ZNF385D: variants seen among roughly 807,000 people sequenced by gnomAD.
ZNF385D encodes zinc finger protein 385D.
In ZNF385D, 15 loss-of-function variants were observed where a neutral mutation model predicts 35.8. The ratio of observed to expected loss-of-function variants is 0.42; its 90% CI spans 0.28 to 0.64. The LOEUF (loss-of-function observed/expected upper bound fraction) is 0.64, where lower values mean the gene tolerates loss of function less well. ZNF385D is among the 30% of genes least tolerant of loss of function. The pLI is 0.23. For synonymous variants in ZNF385D, 212 were observed against 186.8 expected, an observed-to-expected ratio of 1.13 and a Z score of -1.10; for missense variants, 474 against 494.6, an observed-to-expected ratio of 0.96 and a Z score of 0.39.
At chr3:22,283,954 C>A (rs541751629) in intron 2 of ZNF385D, among the ~76,000 whole-genome samples, 1 of 152,050 alleles carries the variant, frequency 6.6e-6, no homozygotes. Flanking sequence ...GTTAAGTTCC[C>A]ATAATGGGAT....
At chr3:21,888,733 C>A (rs558284440) in intron 3 of ZNF385D, among the ~76,000 whole-genome samples, 1 of 152,224 alleles carries the variant, frequency 6.6e-6, no homozygotes, top group South Asian at 2.1e-4. Flanking sequence ...AAACTGGACC[C>A]ATTTTTCTCA....
intron 3 of ZNF385D, among the ~76,000 whole-genome samples, chr3:21,968,129 T>A (rs748313779): frequency 6.6e-6 from 1 of 152,126 alleles, no homozygotes; most frequent in Non-Finnish European, 1.5e-5. Context: ...ATTGTGGGAC[T>A]TCACATTGGA....
At chr3:21,526,431 T>G (rs530251969) in intron 3 of ZNF385D, among the ~76,000 whole-genome samples, 48 of 152,304 alleles carry the variant, frequency 3.2e-4, no homozygotes, top group African/African-American at 1.0e-3. Flanking sequence ...TTTGTTCATT[T>G]CAATATTGAT....
rs1490262200 is a variant in ZNF385D, at chr3:22,123,958, CTCTCTA to C, written c.325+44853_325+44858del. Among the ~76,000 whole-genome samples, 773 of 79,574 alleles carry C rather than the reference CTCTCTA, an allele frequency of 9.7e-3. 2 individuals are homozygous for C. The highest frequency in any genetic ancestry group is 0.023 in the South Asian group (52 of 2,288). 52.2% of individuals were successfully genotyped at this position (79,574 alleles called of 152,430 possible). On this transcript the variant is annotated intron_variant, in intron 3 of 5. Transcript: ENST00000494108. ...TCTCTCTCTCTCTCTCTCTCTCTCTCTCTCTATATATATATATATATATATATATAT... is the reference window on the plus strand; with the variant it reads ...TCTCTCTCTCTCTCTCTCTCTCTCTCTATATATATATATATATATATATAT...
chr3:22,127,354 T>G (rs1485131152), intron 3 of ZNF385D, among the ~76,000 whole-genome samples: 1 of 72,394 alleles, frequency 1.4e-5, no homozygotes, highest in Non-Finnish European at 2.7e-5. Context: ...TTTTTTTTTT[T>G]TTTGAGACAG....
intron 3 of ZNF385D, among the ~76,000 whole-genome samples, chr3:21,866,593 G>A (rs1697379192): frequency 6.6e-6 from 1 of 152,186 alleles, no homozygotes; most frequent in African/African-American, 2.4e-5. Flanking sequence ...TGATTCAGTA[G>A]GTATGGGGTG....
intron 3 of ZNF385D, among the ~76,000 whole-genome samples, chr3:21,815,993 G>T (rs75998259): frequency 0.075 from 11,409 of 152,162 alleles, 585 homozygotes; most frequent in South Asian, 0.11. Context: ...ATGATCAAGT[G>T]GGCTTCATCC....
At chr3:22,277,195 G>A (rs148610967) in intron 2 of ZNF385D, among the ~76,000 whole-genome samples, 109 of 152,208 alleles carry the variant, frequency 7.2e-4, no homozygotes, top group African/African-American at 2.6e-3. Flanking sequence ...GGCAAGTAAG[G>A]GAAGCAAGTT....
intron 2 of ZNF385D, among the ~76,000 whole-genome samples, chr3:22,245,892 T>C (rs1699750937): frequency 6.6e-6 from 1 of 152,156 alleles, no homozygotes; most frequent in Non-Finnish European, 1.5e-5. Flanking sequence ...ATAATCACTC[T>C]GAATCATTTC....
chr3:21,792,994 A>T (rs2071992606), intron 3 of ZNF385D, among the ~76,000 whole-genome samples: 1 of 152,206 alleles, frequency 6.6e-6, no homozygotes, highest in Admixed American at 6.5e-5. Flanking sequence ...TGCAAATAAC[A>T]TTTTATACCC....
intron 2 of ZNF385D, among the ~76,000 whole-genome samples, chr3:22,322,149 G>A (rs1694468429): frequency 1.3e-5 from 2 of 151,870 alleles, no homozygotes; most frequent in Admixed American, 6.6e-5. Context: ...ATATTTCTAG[G>A]CAATATATCT....
intron 3 of ZNF385D, among the ~76,000 whole-genome samples, chr3:22,086,239 A>T (rs36061002): frequency 4.6e-5 from 7 of 152,222 alleles, no homozygotes; most frequent in Non-Finnish European, 1.0e-4. Flanking sequence ...AGGGTATTCA[A>T]TTAGGAAAAG....
rs970858318 is a variant in ZNF385D, at chr3:21,943,849, T to C, written c.325+224968A>G. Among the ~76,000 whole-genome samples the C allele has an allele frequency of 7.9e-5, 12 of 152,174 alleles. No homozygotes were observed. In the East Asian group the frequency reaches 9.6e-4, roughly 12 times the overall value. ...AAACACTGATGCATTTTGTTGCATA[T>C]GGAAATACAAAGAAATCATTAAATA... On this transcript the variant is annotated intron_variant, in intron 3 of 5. Transcript: ENST00000494108.
chr3:21,482,063 A>G (rs1254085148), intron 4 of ZNF385D, among the ~76,000 whole-genome samples: 2 of 152,134 alleles, frequency 1.3e-5, no homozygotes, highest in Non-Finnish European at 2.9e-5. Context: ...TCTTTGAAGT[A>G]AGGAGGACAG....
chr3:21,591,536 A>G (rs989859482), intron 2 of ZNF385D, among the ~76,000 whole-genome samples: 24 of 152,212 alleles, frequency 1.6e-4, no homozygotes, highest in African/African-American at 5.1e-4. Context: ...TTAAAAGTCA[A>G]TATTTTAGTC....
intron 3 of ZNF385D, among the ~76,000 whole-genome samples, chr3:22,083,563 C>T (rs1700873322): frequency 6.6e-6 from 1 of 151,310 alleles, no homozygotes; most frequent in Non-Finnish European, 1.5e-5. Flanking sequence ...ACAAAGCCTC[C>T]AAGAAATATG....
chr3:21,856,549 A>C (rs1192065810), intron 3 of ZNF385D, among the ~76,000 whole-genome samples: 2 of 151,960 alleles, frequency 1.3e-5, no homozygotes, highest in Non-Finnish European at 2.9e-5. Context: ...GAAATCTTGG[A>C]ATTTTCCCCC....
intron 1 of ZNF385D, among the ~76,000 whole-genome samples, chr3:21,731,415 C>A (rs1234094973): frequency 6.6e-6 from 1 of 152,108 alleles, no homozygotes; most frequent in Non-Finnish European, 1.5e-5. Context: ...ATACCCACTG[C>A]CTTCACACAC....
intron 3 of ZNF385D, among the ~76,000 whole-genome samples, chr3:22,145,935 T>C (rs1704824378): frequency 6.6e-6 from 1 of 151,812 alleles, no homozygotes; most frequent in African/African-American, 2.4e-5. Flanking sequence ...AAAACAGCAA[T>C]GGAAACATTT....
Sources: gnomAD v4.1 joint callset for allele counts (sites outside exome capture counted in the v4.1 genomes callset) on GRCh38, gnomAD v4.1.1 for gene constraint, MANE v1.5 for transcripts, NCBI Gene and HGNC (gene_info 2026-07-23, HGNC 2026-07-21) for gene names.